Variants in EPB41L2 observed in about 807,000 individuals in gnomAD.
The protein encoded by EPB41L2 is band 4.1-like protein 2.
A neutral mutation model predicts 113.0 loss-of-function variants in EPB41L2; 43 were observed. The ratio of observed to expected loss-of-function variants is 0.38; its 90% CI spans 0.30 to 0.49. EPB41L2 has a LOEUF of 0.49. Among genes scored for constraint, EPB41L2 ranks in the 20% least tolerant of loss-of-function variants. The pLI, the probability that EPB41L2 is intolerant of heterozygous loss-of-function variation, is 0.95. For synonymous variants in EPB41L2, 442 were observed against 436.7 expected (o/e 1.01, Z -0.15); for missense variants, 1,147 against 1,223.4 (o/e 0.94, Z 0.93).
chr6:130,962,208 A>G (rs1307254070), intron 1 of EPB41L2, among the ~76,000 whole-genome samples: 3 of 152,200 alleles, frequency 2.0e-5, no homozygotes, highest in Non-Finnish European at 4.4e-5. Flanking sequence ...CTTGGGAAAT[A>G]AAGAGGTGAT....
At chr6:130,859,333 CA>C (rs1333747009) in intron 18 of EPB41L2, among the ~76,000 whole-genome samples, 1 of 152,030 alleles carries the variant, frequency 6.6e-6, no homozygotes, top group African/African-American at 2.4e-5. Flanking sequence ...CCAGCCTGGC[CA>C]ACATGGTGAA....
chr6:130,876,812 G>C, intron 14 of EPB41L2: 1 of 1,231,168 alleles, frequency 8.1e-7, no homozygotes, highest in South Asian at 1.3e-5. Context: ...CAACAAATAA[G>C]ACACATACAT....
At chr6:131,047,779 C>G (rs965088130) in intron 1 of EPB41L2, among the ~76,000 whole-genome samples, 5 of 152,236 alleles carry the variant, frequency 3.3e-5, no homozygotes, top group African/African-American at 1.2e-4. Flanking sequence ...CTAGTTCCAA[C>G]ATATTGCCTC....
At chr6:130,972,619 GCATTTCTACAGCTTTACCCAAC>G (rs1432771920) in intron 1 of EPB41L2, among the ~76,000 whole-genome samples, 3 of 151,478 alleles carry the variant, frequency 2.0e-5, no homozygotes, top group Non-Finnish European at 4.4e-5. Context: ...GTGCACTTGT[GCATTTCTACAGCTTTACCCAAC>G]TACTGTGTTA....
intron 19 of EPB41L2, among the ~76,000 whole-genome samples, chr6:130,855,869 G>A (rs1378393474): frequency 1.3e-5 from 2 of 152,010 alleles, no homozygotes; most frequent in Non-Finnish European, 2.9e-5. Flanking sequence ...GAACACTATC[G>A]GTGGTGGGGG....
chr6:130,926,931 C>T (rs1441590560), intron 3 of EPB41L2, among the ~76,000 whole-genome samples: 1 of 152,166 alleles, frequency 6.6e-6, no homozygotes, highest in East Asian at 1.9e-4. Context: ...TAAGCAAGCA[C>T]CGTCTGCTTT....
chr6:130,919,405 T>C (rs933031583), intron 4 of EPB41L2, among the ~76,000 whole-genome samples: 2 of 152,186 alleles, frequency 1.3e-5, no homozygotes, highest in Admixed American at 1.3e-4. Flanking sequence ...AGCCACACCC[T>C]GGGTCTTGTC....
chr6:130,994,802 T>C (rs1313546603), intron 1 of EPB41L2, among the ~76,000 whole-genome samples: 1 of 152,196 alleles, frequency 6.6e-6, no homozygotes, highest in Admixed American at 6.5e-5. Flanking sequence ...TGACTCCCGT[T>C]CTTTTTAAAG....
intron 1 of EPB41L2, among the ~76,000 whole-genome samples, chr6:131,048,155 A>AAAAAAAAAG (rs1562797570): frequency 1.1e-5 from 1 of 93,710 alleles, no homozygotes. Context: ...AAAAAAAAAA[A>AAAAAAAAAG]AAGAAAAAAA....
intron 1 of EPB41L2, among the ~76,000 whole-genome samples, chr6:131,057,533 C>A (rs1797829406): frequency 6.6e-6 from 1 of 152,168 alleles, no homozygotes; most frequent in Non-Finnish European, 1.5e-5. Context: ...GTAGGAAACT[C>A]TGAAAAATAT....
chr6:130,985,303 G>A (rs1213708992), intron 1 of EPB41L2, among the ~76,000 whole-genome samples: 1 of 152,104 alleles, frequency 6.6e-6, no homozygotes, highest in African/African-American at 2.4e-5. Context: ...TTTGGGGGGG[G>A]ACTTTCCCAC....
intron 8 of EPB41L2, 72 bp from the exon 9 acceptor site, chr6:130,895,191 C>T (rs1274384320): frequency 2.0e-6 from 3 of 1,482,174 alleles, no homozygotes; most frequent in East Asian, 2.4e-5. Flanking sequence ...CTAATTAGCT[C>T]CCTCAAATCA....
intron 3 of EPB41L2, among the ~76,000 whole-genome samples, chr6:130,928,638 G>A (rs1805630206): frequency 6.6e-6 from 1 of 152,166 alleles, no homozygotes; most frequent in Non-Finnish European, 1.5e-5. Context: ...ATGCCCTCAT[G>A]GGCAGAATTT....
chr6:130,845,901 T>G (rs1188273472), intron 19 of EPB41L2, among the ~76,000 whole-genome samples: 1 of 152,232 alleles, frequency 6.6e-6, no homozygotes. Context: ...TCTATGGGAA[T>G]GTCTGAACTG....
At chr6:130,892,004 T>C (rs757244440) in intron 10 of EPB41L2, among the ~76,000 whole-genome samples, 2 of 152,190 alleles carry the variant, frequency 1.3e-5, no homozygotes, top group Admixed American at 6.5e-5. Context: ...AGCAGCGTTA[T>C]GCAAGGTTTA....
intron 8 of EPB41L2, among the ~76,000 whole-genome samples, chr6:130,898,029 A>C (rs1795166728): frequency 6.6e-6 from 1 of 151,906 alleles, no homozygotes; most frequent in African/African-American, 2.4e-5. Context: ...TAAAAAAAAA[A>C]AACTAACAAA....
At chr6:130,938,434 G>T (rs1583657383) in intron 3 of EPB41L2, among the ~76,000 whole-genome samples, 1 of 152,258 alleles carries the variant, frequency 6.6e-6, no homozygotes, top group Non-Finnish European at 1.5e-5. Flanking sequence ...GGGGGACCTG[G>T]CTGGGTGAAT....
At chr6:130,863,908 A>G (rs1046739457) in intron 17 of EPB41L2, among the ~76,000 whole-genome samples, 190 bp from the exon 18 acceptor site, 2 of 152,234 alleles carry the variant, frequency 1.3e-5, no homozygotes, top group South Asian at 4.1e-4. Context: ...GAATCCTATT[A>G]CTAAAGTTAT....
intron 4 of EPB41L2, among the ~76,000 whole-genome samples, chr6:130,920,982 T>C (rs1446999190): frequency 1.3e-5 from 2 of 152,124 alleles, no homozygotes; most frequent in Admixed American, 6.5e-5. Flanking sequence ...TGTAAAAGTC[T>C]CCATCAAGCT....
Sources: gnomAD v4.1 joint callset for allele counts (sites outside exome capture counted in the v4.1 genomes callset) on GRCh38, gnomAD v4.1.1 for gene constraint, MANE v1.5 for transcripts, NCBI Gene and HGNC (gene_info 2026-07-23, HGNC 2026-07-21) for gene names.